KCNN3: variants seen among roughly 807,000 people sequenced by gnomAD.
KCNN3 encodes the protein small conductance calcium-activated potassium channel protein 3.
In KCNN3, 16 loss-of-function variants were observed where a neutral mutation model predicts 62.9. The ratio of observed to expected loss-of-function variants is 0.25; its 90% confidence interval spans 0.17 to 0.39. The LOEUF (loss-of-function observed/expected upper bound fraction) is 0.39, where lower values mean the gene tolerates loss of function less well. Ranked by LOEUF, KCNN3 falls within the 10% of genes least tolerant of loss-of-function variation. The pLI is 1.00. For synonymous variants in KCNN3, 370 were observed against 389.2 expected (o/e 0.95, Z 0.58); for missense variants, 599 against 949.4 (o/e 0.63, Z 4.85).
At position 154,870,030 on chromosome 1, in the gene KCNN3, T is replaced by C. The variant is rs76040784; in HGVS notation, c.-66A>G. ...CCCAAAGCCACCCTCGCTCCAAAGA[T>C]GTCCTCAAAGAAAGCCAGGCATCCA... On this transcript the variant is annotated 5_prime_UTR_variant, in exon 1 of 8. Coordinates refer to ENST00000271915, the MANE Select transcript of KCNN3 (RefSeq NM_002249.6). 5.1e-3 allele frequency: 7,896 copies of C among 1,554,994 alleles called. 373 individuals are homozygous for C. In the African/African-American group the frequency reaches 0.095, roughly 19 times the overall value.
intron 6 of KCNN3, among the ~76,000 whole-genome samples, chr1:154,713,800 C>T (rs137992886): frequency 6.6e-6 from 1 of 152,036 alleles, no homozygotes; most frequent in East Asian, 1.9e-4. Flanking sequence ...TGGGCTGCAC[C>T]TTCCATGTTG....
intron 3 of KCNN3, among the ~76,000 whole-genome samples, chr1:154,752,920 C>G (rs1647455635): frequency 6.6e-6 from 1 of 152,196 alleles, no homozygotes; most frequent in South Asian, 2.1e-4. Context: ...AGGCTCCGAG[C>G]ACCCGGCTCA....
chr1:154,763,817 T>C (rs566816457), intron 3 of KCNN3, among the ~76,000 whole-genome samples: 59 of 152,342 alleles, frequency 3.9e-4, no homozygotes, highest in African/African-American at 1.4e-3. Flanking sequence ...GTTCCCTGGA[T>C]GCTTAAAAAG....
At chr1:154,842,900 C>T (rs554765499) in intron 1 of KCNN3, among the ~76,000 whole-genome samples, 12 of 152,288 alleles carry the variant, frequency 7.9e-5, no homozygotes, top group South Asian at 2.1e-4. Context: ...GCCACTTCCT[C>T]GCCATGTGAC....
intron 5 of KCNN3, among the ~76,000 whole-genome samples, chr1:154,720,328 C>T (rs753723000): frequency 6.6e-5 from 10 of 152,200 alleles, no homozygotes; most frequent in Non-Finnish European, 1.5e-4. Context: ...TGGGACAGAA[C>T]CTTGTGCGTG....
At chr1:154,842,863 C>T (rs144687305) in intron 1 of KCNN3, among the ~76,000 whole-genome samples, 6 of 152,194 alleles carry the variant, frequency 3.9e-5, no homozygotes, top group South Asian at 2.1e-4. Context: ...CTTTGGAGTC[C>T]GAAGACCTCA....
At chr1:154,819,732 G>A (rs903041665) in intron 2 of KCNN3, among the ~76,000 whole-genome samples, 10 of 152,148 alleles carry the variant, frequency 6.6e-5, no homozygotes, top group Non-Finnish European at 1.5e-4. Flanking sequence ...GGAGCTCAGG[G>A]TACAGGCAGG....
intron 2 of KCNN3, among the ~76,000 whole-genome samples, chr1:154,784,847 G>A (rs1421046796): frequency 6.6e-6 from 1 of 152,232 alleles, no homozygotes; most frequent in Non-Finnish European, 1.5e-5. Context: ...TACAGACAGG[G>A]AAACTGAGGC....
chr1:154,759,101 C>G (rs1647881901), intron 3 of KCNN3, among the ~76,000 whole-genome samples: 1 of 152,122 alleles, frequency 6.6e-6, no homozygotes, highest in African/African-American at 2.4e-5. Context: ...AGCCACCATG[C>G]CCGGCCAAAA....
chr1:154,781,901 G>C (rs1481798140), intron 2 of KCNN3, among the ~76,000 whole-genome samples: 1 of 152,148 alleles, frequency 6.6e-6, no homozygotes, highest in Non-Finnish European at 1.5e-5. Context: ...AGAGAGTGAT[G>C]CCTGCCAGGA....
At chr1:154,816,385 T>C (rs1571304793) in intron 2 of KCNN3, among the ~76,000 whole-genome samples, 1 of 152,346 alleles carries the variant, frequency 6.6e-6, no homozygotes, top group East Asian at 1.9e-4. Context: ...GGGACTGGAT[T>C]ATATGAACTC....
intron 1 of KCNN3, among the ~76,000 whole-genome samples, chr1:154,866,571 G>A (rs534989087): frequency 6.6e-6 from 1 of 152,184 alleles, no homozygotes; most frequent in Non-Finnish European, 1.5e-5. Flanking sequence ...TACAAGGCCT[G>A]GTACATAGGA....
At chr1:154,749,769 G>A (rs1647274181) in intron 3 of KCNN3, among the ~76,000 whole-genome samples, 1 of 152,158 alleles carries the variant, frequency 6.6e-6, no homozygotes, top group South Asian at 2.1e-4. Flanking sequence ...ACCTGGGTGA[G>A]GGTCTGGCCT....
In KCNN3 at chr1:154,708,186, C is replaced by A; in HGVS notation, c.1986G>T (p.Lys662Asn). Residue 662 changes from lysine to asparagine, a missense_variant, in exon 8 of 8, where the codon AAG (lysine) becomes AAT (asparagine). Transcript: ENST00000271915. ...LEKQIGSLES[K>N]LEHLTASFNS... is the part of the protein sequence containing the mutation. The stretch of plus-strand genomic sequence containing the variant: ...TGAAGCTGGCGGTGAGATGCTCCAG[C>A]TTCGACTCCAGGCTGCCAATCTGCT... The A allele has an allele frequency of 1.2e-6, 2 of 1,613,820 alleles. No homozygotes were observed. The highest frequency in any genetic ancestry group is 1.7e-6 in the Non-Finnish European group (2 of 1,179,978).
intron 3 of KCNN3, among the ~76,000 whole-genome samples, chr1:154,740,128 T>C (rs1456799237): frequency 1.3e-5 from 2 of 152,238 alleles, no homozygotes; most frequent in Non-Finnish European, 2.9e-5. Flanking sequence ...TATTGACATA[T>C]GTAGCTATAG....
Position 154,702,702 on chromosome 1 carries a change from T to TAG in KCNN3, c.*5273_*5274insCT, listed in dbSNP as rs1336126228. On this transcript the variant is annotated 3_prime_UTR_variant, in exon 8 of 8. Coordinates refer to ENST00000271915, the MANE Select transcript of KCNN3 (RefSeq NM_002249.6). ...GTTGGCTGCTTCGATCTGATTCAGA[T>TAG]ATATATATATATATATATATATATA... The TAG allele has an allele frequency of 1.4e-3, 3 of 2,086 alleles. No individual in the cohort carries two copies. The highest frequency in any genetic ancestry group is 3.5e-3 in the African/African-American group (3 of 856). The allele number at this position is 2,086 out of a possible 1,614,324, so 0.1% of individuals were successfully genotyped here. A position where few individuals can be genotyped will look rare whatever the true frequency, so the allele number is the denominator to read the frequency against.
chr1:154,739,078 C>G (rs1414593536), intron 3 of KCNN3, among the ~76,000 whole-genome samples: 1 of 152,172 alleles, frequency 6.6e-6, no homozygotes, highest in African/African-American at 2.4e-5. Context: ...GCAATACACA[C>G]ATATTACTTA....
intron 3 of KCNN3, among the ~76,000 whole-genome samples, chr1:154,736,632 A>G (rs79723665): frequency 0.043 from 6,495 of 152,174 alleles, 441 homozygotes; most frequent in African/African-American, 0.15. Flanking sequence ...CCCTCTGTGC[A>G]CATCATGGAT....
chr1:154,785,572 C>CTTT (rs59033291), intron 2 of KCNN3, among the ~76,000 whole-genome samples: 4 of 107,978 alleles, frequency 3.7e-5, no homozygotes, highest in African/African-American at 7.6e-5. Flanking sequence ...TTTTCTTTTT[C>CTTT]TTTTTTTTTT....
Sources: allele counts gnomAD v4.1 joint callset (sites outside exome capture counted in the v4.1 genomes callset), GRCh38; gene constraint gnomAD v4.1.1; transcripts MANE v1.5; gene names NCBI Gene and HGNC (gene_info 2026-07-23, HGNC 2026-07-21).